The following SIAH2 variants were observed in gnomAD, a reference collection of about 807,000 sequenced individuals.
SIAH2 encodes E3 ubiquitin-protein ligase SIAH2.
In SIAH2, 4 loss-of-function variants were observed where a neutral mutation model predicts 20.4. The ratio of observed to expected loss-of-function variants is 0.20; its 90% CI spans 0.10 to 0.45. The LOEUF (loss-of-function observed/expected upper bound fraction) is 0.45. Among genes scored for constraint, SIAH2 ranks in the 20% least tolerant of loss-of-function variants. SIAH2 has a pLI of 0.99. For synonymous variants in SIAH2, 171 were observed against 192.5 expected (o/e 0.89, Z 0.93); for missense variants, 259 against 440.3 (o/e 0.59, Z 3.69).
At chr3:150,746,690 T>G (rs1230898092) in intron 1 of SIAH2, among the ~76,000 whole-genome samples, 1 of 152,196 alleles carries the variant, frequency 6.6e-6, no homozygotes, top group African/African-American at 2.4e-5. Context: ...ATGGCCCCAG[T>G]TGAGAACCAC....
At chr3:150,753,619 C>A (rs1194025536) in intron 1 of SIAH2, among the ~76,000 whole-genome samples, 7 of 152,054 alleles carry the variant, frequency 4.6e-5, no homozygotes, top group Non-Finnish European at 7.4e-5. Context: ...CATGGTGAAA[C>A]CCTGTTCCTA....
At chr3:150,744,138 A>T (rs1204938565) in intron 1 of SIAH2, among the ~76,000 whole-genome samples, 1 of 152,142 alleles carries the variant, frequency 6.6e-6, no homozygotes, top group Non-Finnish European at 1.5e-5. Context: ...CACTAGCAAC[A>T]AGCAGATGGT....
In SIAH2 at chr3:150,761,200, C is replaced by T. The variant is rs1390873060; in HGVS notation, c.417+1233G>A. Among the ~76,000 whole-genome samples the T allele has an allele frequency of 4.6e-5, 7 of 152,260 alleles. No individual in the cohort carries two copies. In the East Asian group the frequency reaches 7.7e-4, roughly 17 times the overall value. The stretch of plus-strand genomic sequence containing the variant: ...ACAGCTTAAATGGCCCAAGAGGCAG[C>T]GCAAGTTACTTTTACAAAAAAACTG... On this transcript the variant is annotated intron_variant, in intron 1 of 1. Transcript: ENST00000312960.
At position 150,762,877 on chromosome 3, in the gene SIAH2, G is replaced by A; in HGVS notation, c.-28C>T. 8.5e-7 allele frequency: 1 copy of A among 1,177,540 alleles called. No homozygotes were observed. The highest frequency in any genetic ancestry group is 3.7e-4 in the Middle Eastern group (1 of 2,712). The allele number at this position is 1,177,540 out of a possible 1,614,324, so 72.9% of individuals were successfully genotyped here. ...CGCTCCGAACCAACCATGGAACTGC[G>A]GGCGCCTGCCTGCCGCGGGGCCGCC... On this transcript the variant is annotated 5_prime_UTR_variant, in exon 1 of 2. Transcript: ENST00000312960. This position sits in a 1 kb window ranked among gnomAD's most constrained non-coding sequence, Gnocchi z 6.6.
chr3:150,750,298 T>C (rs1334674932), intron 1 of SIAH2, among the ~76,000 whole-genome samples: 1 of 152,262 alleles, frequency 6.6e-6, no homozygotes, highest in Non-Finnish European at 1.5e-5. Flanking sequence ...ATTTTGCTTA[T>C]TGGTTCACTG....
intron 1 of SIAH2, among the ~76,000 whole-genome samples, chr3:150,746,748 C>T (rs1417314167): frequency 6.6e-6 from 1 of 152,206 alleles, no homozygotes; most frequent in African/African-American, 2.4e-5. Context: ...ATGACAAAAC[C>T]TGGCTTCCAA....
chr3:150,743,800 C>A (rs1036719542), intron 1 of SIAH2, among the ~76,000 whole-genome samples: 2 of 152,078 alleles, frequency 1.3e-5, no homozygotes, highest in Non-Finnish European at 2.9e-5. Context: ...CAAGTAGACA[C>A]CTGCCCTGAG....
At position 150,742,693 on chromosome 3, in the gene SIAH2, G is replaced by A. The variant is rs549604637; in HGVS notation, c.423C>T (p.Ala141=). The stretch of plus-strand genomic sequence containing the variant: ...GCAGGGTCAGGGAACAGCCCGTGGT[G>A]GCATACTGCAAAGAAAGAAATGCAT... ...ASAVLFPCKY[A]TTGCSLTLHH... Residue 141 remains alanine (A), a synonymous_variant, in exon 2 of 2, where the codon GCC becomes GCT. Coordinates refer to ENST00000312960, the MANE Select transcript of SIAH2 (RefSeq NM_005067.7). This position sits in a 1 kb window ranked among gnomAD's most constrained non-coding sequence, Gnocchi z 4.8. The A allele has an allele frequency of 1.1e-5, 16 of 1,523,620 alleles. 1 individual carries two copies. In the African/African-American group the frequency reaches 1.4e-4, roughly 13 times the overall value. The allele number at this position is 1,523,620 out of a possible 1,614,324, so 94.4% of individuals were successfully genotyped here. A position where few individuals can be genotyped will look rare whatever the true frequency, so the allele number is the denominator to read the frequency against.
At chr3:150,753,308 A>G (rs1714410522) in intron 1 of SIAH2, among the ~76,000 whole-genome samples, 1 of 152,146 alleles carries the variant, frequency 6.6e-6, no homozygotes, top group African/African-American at 2.4e-5. Context: ...CCAAGGCAAG[A>G]GTGAGTATGA....
chr3:150,755,843 G>A (rs142482262), intron 1 of SIAH2, among the ~76,000 whole-genome samples: 43 of 151,502 alleles, frequency 2.8e-4, no homozygotes, highest in Non-Finnish European at 5.6e-4. Flanking sequence ...GTAGAGACGG[G>A]GTTTCACCAT....
chr3:150,756,629 T>G (rs989897850), intron 1 of SIAH2, among the ~76,000 whole-genome samples: 1 of 152,202 alleles, frequency 6.6e-6, no homozygotes, highest in African/African-American at 2.4e-5. Flanking sequence ...CTGATAACTA[T>G]TTACTCTAGT....
intron 1 of SIAH2, among the ~76,000 whole-genome samples, chr3:150,756,895 G>A (rs1559938001): frequency 6.6e-6 from 1 of 152,198 alleles, no homozygotes; most frequent in Non-Finnish European, 1.5e-5. Flanking sequence ...GAGGACTTCA[G>A]GGACAACTTC....
Position 150,742,155 on chromosome 3 carries a change from T to C in SIAH2, c.961A>G (p.Thr321Ala), listed in dbSNP as rs775630972. The C allele has an allele frequency of 3.1e-6, 5 of 1,610,544 alleles. No homozygotes were observed. In the East Asian group the frequency reaches 8.9e-5, roughly 29 times the overall value. ...CGAAAGTCACATCATGGACAACATG[T>C]AGAAATAGTAACATTGATTCCAAGG... is the stretch of plus-strand genomic sequence containing the variant. ...GNLGINVTIS[T>A]CCP Residue 321 changes from threonine (T) to alanine (A), a missense_variant, in exon 2 of 2, where the codon ACA (threonine) becomes GCA (alanine). This residue lies in a region of SIAH2 where 160 missense variants were observed against 327.6 expected (regional missense o/e 0.49). Transcript: ENST00000312960. The surrounding 1 kb of genome is among the most constrained non-coding windows in gnomAD (Gnocchi z 4.8).
intron 1 of SIAH2, among the ~76,000 whole-genome samples, chr3:150,757,891 C>T (rs1179161821): frequency 6.6e-6 from 1 of 152,142 alleles, no homozygotes; most frequent in Non-Finnish European, 1.5e-5. Flanking sequence ...CCTGTACCCA[C>T]ATCCCCAACC....
rs963507772 is a variant in SIAH2, at chr3:150,741,327, G to A, written c.*814C>T. The A allele has an allele frequency of 6.6e-6, 1 of 152,602 alleles. No individual in the cohort carries two copies. Among genetic ancestry groups the A allele is most frequent in the Non-Finnish European group, 1.5e-5 (1 of 68,030 alleles). 9.5% of individuals were successfully genotyped at this position (152,602 alleles called of 1,614,324 possible). ...AACGGGTCATCTGTACTAGTGGTGA[G>A]CAAAACTAATTACATGAGAACTATC... On this transcript the variant is annotated 3_prime_UTR_variant, in exon 2 of 2. Coordinates refer to ENST00000312960, the MANE Select transcript of SIAH2 (RefSeq NM_005067.7).
At position 150,760,338 on chromosome 3, in the gene SIAH2, C is replaced by T. The variant is rs77703350; in HGVS notation, c.417+2095G>A. On this transcript the variant is annotated intron_variant, in intron 1 of 1. Transcript: ENST00000312960. ...CTTGGTCTGCAGGGGAATAATTGGC[C>T]CTTTTAAATTTCAGCTTGCAAAGTA... is the stretch of plus-strand genomic sequence containing the variant. Among the ~76,000 whole-genome samples, 305 of 152,276 alleles carry T rather than the reference C, an allele frequency of 2.0e-3. 3 individuals are homozygous for T. The highest frequency in any genetic ancestry group is 6.7e-3 in the African/African-American group (277 of 41,544).
Position 150,762,826 on chromosome 3 carries a change from G to A in SIAH2, c.24C>T (p.Gly8=). The change falls in exon 1 of 2, where the codon GGC becomes GGT. Residue 8 remains glycine, a synonymous_variant. Coordinates refer to ENST00000312960, the MANE Select transcript of SIAH2 (RefSeq NM_005067.7). The surrounding 1 kb of genome is among the most constrained non-coding windows in gnomAD (Gnocchi z 6.6). MSRPSST[G]PSANKPCSKQ... ...TGCTGCAGGGTTTATTAGCGCTGGG[G>A]CCGGTGGAGGACGGGCGGCTCATCG... The A allele has an allele frequency of 8.2e-7, 1 of 1,219,584 alleles. No individual in the cohort carries two copies. The highest frequency in any genetic ancestry group is 1.0e-6 in the Non-Finnish European group (1 of 965,892). The allele number at this position is 1,219,584 out of a possible 1,614,324, so 75.5% of individuals were successfully genotyped here.
At chr3:150,759,446 G>A (rs1714557477) in intron 1 of SIAH2, among the ~76,000 whole-genome samples, 1 of 152,100 alleles carries the variant, frequency 6.6e-6, no homozygotes, top group African/African-American at 2.4e-5. Context: ...GTCATTTTGG[G>A]ATGGTCCCAT....
Position 150,762,312 on chromosome 3 carries a change from TTTTTC to T in SIAH2, c.417+116_417+120del. Reference sequence around the variant, plus strand: ...GGGAGGGTGGACGAAGTGTAAACATTTTTTCTTTTTTTTTTTTAAATGAGAGATGC... The same window carrying T: ...GGGAGGGTGGACGAAGTGTAAACATTTTTTTTTTTTTTAAATGAGAGATGC... On this transcript the variant is annotated intron_variant, in intron 1 of 1. Coordinates refer to ENST00000312960, the MANE Select transcript of SIAH2 (RefSeq NM_005067.7). The surrounding 1 kb of genome is among the most constrained non-coding windows in gnomAD (Gnocchi z 6.6). The T allele has an allele frequency of 6.8e-7, 1 of 1,476,762 alleles. No individual in the cohort carries two copies. 91.5% of individuals were successfully genotyped at this position (1,476,762 alleles called of 1,614,324 possible). A position where few individuals can be genotyped will look rare whatever the true frequency, so the allele number is the denominator to read the frequency against.
Sources: allele counts gnomAD v4.1 joint callset (sites outside exome capture counted in the v4.1 genomes callset), GRCh38; gene constraint gnomAD v4.1.1; regional missense constraint gnomAD v4.1.1; non-coding constraint Gnocchi (gnomAD v3.1); transcripts MANE v1.5; gene names NCBI Gene and HGNC (gene_info 2026-07-23, HGNC 2026-07-21).